The following KCNA3 variants were observed in gnomAD, a reference collection of about 807,000 sequenced individuals.
KCNA3 encodes RP11-284N8.3.
KCNA3 carries 18 observed loss-of-function variants against 34.3 expected under a neutral mutation model. The observed-to-expected ratio is 0.52, with a 90% CI of 0.36 to 0.78. The LOEUF (loss-of-function observed/expected upper bound fraction) is 0.78, where lower values mean the gene tolerates loss of function less well. KCNA3 is among the 30% of genes least tolerant of loss of function. KCNA3 has a pLI of 0.00. For missense variants in KCNA3, 587 were observed against 802.5 expected (o/e 0.73, Z 3.24); for synonymous variants, 324 against 351.7 (o/e 0.92, Z 0.88).
rs1651976890 is a variant in KCNA3, at chr1:110,673,943, G to A, written c.867C>T (p.Ser289=). 3 of 1,614,070 alleles carry A rather than the reference G, an allele frequency of 1.9e-6. No homozygotes were observed. Among genetic ancestry groups the A allele is most frequent in the South Asian group, 1.1e-5 (1 of 91,080 alleles). ...NSTSGSRAGA[S]SFSDPFFVVE... is the part of the protein sequence containing the mutation. ...CCACGAAGAAGGGATCGGAGAAGCT[G>A]GAGGCTCCTGCGCGGGACCCCGACG... Residue 289 remains serine (S), a synonymous_variant, in exon 1 of 1, where the codon TCC becomes TCT. Coordinates refer to ENST00000369769, the MANE Select transcript of KCNA3 (RefSeq NM_002232.5). This position sits in a 1 kb window ranked among gnomAD's most constrained non-coding sequence, Gnocchi z 8.8.
At chr1:110,662,136 AT>A in the KCNA3 span, among the ~76,000 whole-genome samples, 26,107 of 105,366 alleles carry the variant, frequency 0.25, 6,837 homozygotes, top group African/African-American at 0.34. Context: ...AAAAAAAAAA[AT>A]TCAGAATGTC....
At chr1:110,671,868 T>C (rs1292896694), downstream of KCNA3, among the ~76,000 whole-genome samples, 1 of 152,230 alleles carries the variant, frequency 6.6e-6, no homozygotes, top group African/African-American at 2.4e-5. Context: ...ATAAATGGCA[T>C]TTAATCCAGA....
chr1:110,668,006 TTTC>T (rs1651744907), downstream of KCNA3, among the ~76,000 whole-genome samples: 1 of 152,166 alleles, frequency 6.6e-6, no homozygotes, highest in Non-Finnish European at 1.5e-5. Context: ...TTTGATGTAC[TTTC>T]TCTCAAAGGT....
rs1331668083 is a variant in KCNA3, at chr1:110,673,624, G to T, written c.1186C>A (p.Arg396=). Residue 396 remains arginine (R), a synonymous_variant, in exon 1 of 1, where the codon CGG becomes AGG. Coordinates refer to ENST00000369769, the MANE Select transcript of KCNA3 (RefSeq NM_002232.5). This position sits in a 1 kb window ranked among gnomAD's most constrained non-coding sequence, Gnocchi z 8.8. ...AAGAAGATGAGCAATCCCAGCTCCC[G>T]CATGGACGCCTTCAGCGTTTGCCCG... ...ILGQTLKASM[R]ELGLLIFFLF... 2 of 1,614,174 alleles carry T rather than the reference G, an allele frequency of 1.2e-6. No individual in the cohort carries two copies. Among genetic ancestry groups the T allele is most frequent in the Non-Finnish European group, 1.7e-6 (2 of 1,180,042 alleles).
chr1:110,656,462 T>C, the KCNA3 span: 1 of 152,160 alleles, frequency 6.6e-6, no homozygotes, highest in Non-Finnish European at 1.5e-5. Context: ...TATACACATA[T>C]AACAATGTGA....
At chr1:110,655,866 A>G in the KCNA3 span, 11 of 152,132 alleles carry the variant, frequency 7.2e-5, no homozygotes, top group Admixed American at 3.9e-4. Context: ...TTCAATAGGT[A>G]TAGTCGCCTC....
the KCNA3 span, chr1:110,653,944 T>A: frequency 1.3e-5 from 2 of 152,220 alleles, no homozygotes; most frequent in African/African-American, 4.8e-5. Flanking sequence ...TAGAAAATTT[T>A]AAATTCCAAT....
In KCNA3 at chr1:110,674,615, C is replaced by T; in HGVS notation, c.195G>A (p.Glu65=). The T allele has an allele frequency of 6.4e-7, 1 of 1,558,708 alleles. No homozygotes were observed. The highest frequency in any genetic ancestry group is 2.5e-5 in the East Asian group (1 of 40,386). ...GCGGGGCCCCTCCACCATCGGCCAC[C>T]TCCGGCTCCAGCAGGTGGTCCCCGG... The part of the protein sequence containing the change: ...VVPGDHLLEP[E]VADGGGAPPQ... The change falls in exon 1 of 1, where the codon GAG becomes GAA. Residue 65 remains glutamate, a synonymous_variant. Transcript: ENST00000369769. The surrounding 1 kb of genome is among the most constrained non-coding windows in gnomAD (Gnocchi z 6.4).
At chr1:110,657,035 CTTAAG>C in the KCNA3 span, 1 of 143,348 alleles carries the variant, frequency 7.0e-6, no homozygotes, top group Non-Finnish European at 1.5e-5. Flanking sequence ...AATCTGGGTA[CTTAAG>C]TTTTCTTTTT....
the KCNA3 span, among the ~76,000 whole-genome samples, chr1:110,663,441 T>G: frequency 6.6e-6 from 1 of 152,158 alleles, no homozygotes; most frequent in South Asian, 2.1e-4. Flanking sequence ...TGTTGACACA[T>G]TTGGTAAGGA....
At chr1:110,668,151 AAC>A (rs1651753720), downstream of KCNA3, among the ~76,000 whole-genome samples, 1 of 152,144 alleles carries the variant, frequency 6.6e-6, no homozygotes, top group Non-Finnish European at 1.5e-5. Flanking sequence ...CCTAAAACAA[AAC>A]ACAAAGAAAA....
chr1:110,662,931 G>C, the KCNA3 span, among the ~76,000 whole-genome samples: 1 of 152,252 alleles, frequency 6.6e-6, no homozygotes, highest in Admixed American at 6.5e-5. Context: ...GCTTGGAGTA[G>C]TTATTTCTGT....
At chr1:110,654,794 G>C in the KCNA3 span, 17 of 152,108 alleles carry the variant, frequency 1.1e-4, no homozygotes, top group African/African-American at 3.9e-4. Flanking sequence ...GACAAAAAGT[G>C]AATAGTATAA....
chr1:110,671,968 T>C (rs1047667341), downstream of KCNA3, among the ~76,000 whole-genome samples: 3 of 152,340 alleles, frequency 2.0e-5, no homozygotes, highest in Middle Eastern at 3.4e-3. Flanking sequence ...ATGATTTTCA[T>C]AGTTAAAAAA....
the KCNA3 span, chr1:110,655,995 A>G: frequency 6.6e-6 from 1 of 152,176 alleles, no homozygotes; most frequent in African/African-American, 2.4e-5. Flanking sequence ...ATGAACTACA[A>G]TATGGCTGTA....
At chr1:110,665,079 C>T in the KCNA3 span, among the ~76,000 whole-genome samples, 1 of 152,286 alleles carries the variant, frequency 6.6e-6, no homozygotes, top group African/African-American at 2.4e-5. Flanking sequence ...TGAGACAGGG[C>T]CTTGCAGGCC....
chr1:110,668,109 A>T (rs1651751069), downstream of KCNA3, among the ~76,000 whole-genome samples: 1 of 152,140 alleles, frequency 6.6e-6, no homozygotes, highest in Non-Finnish European at 1.5e-5. Context: ...TAGTACAAAA[A>T]CCAATAATTG....
At chr1:110,669,096 T>G (rs1303745992), downstream of KCNA3, among the ~76,000 whole-genome samples, 1 of 152,240 alleles carries the variant, frequency 6.6e-6, no homozygotes, top group Non-Finnish European at 1.5e-5. Context: ...GTCACAAGTT[T>G]CAGTGAACTG....
chr1:110,662,980 A>G, the KCNA3 span, among the ~76,000 whole-genome samples: 1 of 152,182 alleles, frequency 6.6e-6, no homozygotes, highest in Non-Finnish European at 1.5e-5. Flanking sequence ...TGCTCTTTAG[A>G]AGTCTGACAC....
Sources: gnomAD v4.1 joint callset for allele counts (sites outside exome capture counted in the v4.1 genomes callset) on GRCh38, gnomAD v4.1.1 for gene constraint, Gnocchi (gnomAD v3.1) non-coding constraint, MANE v1.5 for transcripts, NCBI Gene and HGNC (gene_info 2026-07-23, HGNC 2026-07-21) for gene names.